Variants in CCSER1 observed in about 807,000 individuals in gnomAD.
CCSER1 encodes coiled-coil serine rich protein 1.
Under a neutral mutation model 82.0 loss-of-function variants are expected in CCSER1, and 41 were observed. The ratio of observed to expected loss-of-function variants is 0.50; its 90% CI spans 0.39 to 0.65. The LOEUF is 0.65. Ranked by LOEUF, CCSER1 falls within the 30% of genes least tolerant of loss-of-function variation. The probability of loss-of-function intolerance (pLI) is 0.00; values close to 1 mark genes in which losing one functional copy is unlikely to be tolerated. For missense variants in CCSER1, 1,119 were observed against 1,064.2 expected (o/e 1.05, Z -0.72); for synonymous variants, 414 against 383.9 (o/e 1.08, Z -0.92).
At chr4:90,683,358 C>A (rs978563126) in intron 6 of CCSER1, among the ~76,000 whole-genome samples, 1 of 151,998 alleles carries the variant, frequency 6.6e-6, no homozygotes, top group African/African-American at 2.4e-5. Context: ...TCTTAAAGAG[C>A]TCAAGCTATT....
intron 6 of CCSER1, among the ~76,000 whole-genome samples, chr4:90,693,906 AGAAAGAG>A (rs954604289): frequency 6.8e-6 from 1 of 147,382 alleles, no homozygotes. Context: ...GAAAGAAAGA[AGAAAGAG>A]GAGGAGAGAG....
intron 4 of CCSER1, among the ~76,000 whole-genome samples, chr4:90,404,668 GAAC>G (rs1218736159): frequency 6.6e-5 from 10 of 152,148 alleles, no homozygotes; most frequent in African/African-American, 1.9e-4. Flanking sequence ...TGAAAGACCT[GAAC>G]ATGGATCTCA....
intron 10 of CCSER1, among the ~76,000 whole-genome samples, chr4:91,333,157 A>G (rs1357313248): frequency 6.6e-6 from 1 of 151,994 alleles, no homozygotes; most frequent in Non-Finnish European, 1.5e-5. Flanking sequence ...CCAAGTGTGC[A>G]TGTTTTTATA....
intron 9 of CCSER1, among the ~76,000 whole-genome samples, chr4:90,960,456 A>G (rs1733948891): frequency 6.6e-6 from 1 of 152,120 alleles, no homozygotes; most frequent in South Asian, 2.1e-4. Flanking sequence ...CCCAGTCTAC[A>G]TCATTAGGTT....
chr4:90,857,763 G>A (rs982046790), intron 8 of CCSER1, among the ~76,000 whole-genome samples: 3 of 152,010 alleles, frequency 2.0e-5, no homozygotes, highest in African/African-American at 7.2e-5. Context: ...TGTAGGTCAA[G>A]GGATACAAGG....
In CCSER1 at chr4:91,423,690, CT is replaced by C. The variant is rs533933480; in HGVS notation, c.2218-174881del. Among the ~76,000 whole-genome samples, 22 of 152,176 alleles carry C rather than the reference CT, an allele frequency of 1.4e-4. No individual in the cohort carries two copies. In the South Asian group the frequency reaches 2.5e-3, roughly 17 times the overall value. On this transcript the variant is annotated intron_variant, in intron 10 of 10. Transcript: ENST00000509176. ...GAACTTTATTCAGAAGAGTTTCCCCCTATCTACTTATCTTACTAGCATCTCC... is the reference window on the plus strand; with the variant it reads ...GAACTTTATTCAGAAGAGTTTCCCCCATCTACTTATCTTACTAGCATCTCC...
At chr4:90,542,285 A>G (rs1776203440) in intron 5 of CCSER1, among the ~76,000 whole-genome samples, 1 of 152,098 alleles carries the variant, frequency 6.6e-6, no homozygotes, top group African/African-American at 2.4e-5. Context: ...ACCTGATGAC[A>G]CTATTTAAGA....
intron 9 of CCSER1, among the ~76,000 whole-genome samples, chr4:90,930,417 C>T (rs184758751): frequency 1.8e-3 from 273 of 151,536 alleles, no homozygotes; most frequent in Admixed American, 6.3e-3. Flanking sequence ...CTGGCTAACA[C>T]GGTGAAACCC....
intron 6 of CCSER1, among the ~76,000 whole-genome samples, chr4:90,639,791 T>C (rs1381670344): frequency 6.6e-6 from 1 of 152,134 alleles, no homozygotes; most frequent in African/African-American, 2.4e-5. Flanking sequence ...GAAATTCTTA[T>C]TTCAACATGC....
chr4:91,052,630 A>G (rs9992513), intron 9 of CCSER1, among the ~76,000 whole-genome samples: 25,517 of 151,988 alleles, frequency 0.17, 2,199 homozygotes, highest in Admixed American at 0.22. Flanking sequence ...TTTAAAGGAA[A>G]GGAACTTTTG....
In CCSER1 at chr4:91,342,284, C is replaced by A. The variant is rs576226719; in HGVS notation, c.2218-256288C>A. Reference sequence around the variant, plus strand: ...ATGAGTAATAGAGCTAGAATTCAAACCCAGATAGCCTGATCTAAAGCTAGA... The same window carrying A: ...ATGAGTAATAGAGCTAGAATTCAAAACCAGATAGCCTGATCTAAAGCTAGA... On this transcript the variant is annotated intron_variant, in intron 10 of 10. Transcript: ENST00000509176. Among the ~76,000 whole-genome samples the A allele has an allele frequency of 1.4e-4, 22 of 152,258 alleles. 1 individual carries two copies. In the South Asian group the frequency reaches 4.6e-3, roughly 32 times the overall value.
chr4:90,642,655 A>G (rs1726753475), intron 6 of CCSER1, among the ~76,000 whole-genome samples: 1 of 152,196 alleles, frequency 6.6e-6, no homozygotes, highest in African/African-American at 2.4e-5. Flanking sequence ...CCTGGGCAAC[A>G]TAGAGATCTC....
chr4:91,380,433 G>C (rs1750792734), intron 10 of CCSER1, among the ~76,000 whole-genome samples: 1 of 152,188 alleles, frequency 6.6e-6, no homozygotes, highest in Non-Finnish European at 1.5e-5. Flanking sequence ...GGGTGCTCCT[G>C]TATTGGGTGC....
chr4:90,907,050 A>G (rs372345200), intron 8 of CCSER1, among the ~76,000 whole-genome samples: 3 of 152,162 alleles, frequency 2.0e-5, no homozygotes, highest in African/African-American at 7.2e-5. Context: ...GAATGCAGCC[A>G]TATAAGCTTC....
chr4:90,928,205 G>T (rs1434939049), intron 9 of CCSER1, among the ~76,000 whole-genome samples: 1 of 151,896 alleles, frequency 6.6e-6, no homozygotes, highest in Non-Finnish European at 1.5e-5. Flanking sequence ...TTCCAGGTTT[G>T]CTTATGGGCT....
intron 10 of CCSER1, among the ~76,000 whole-genome samples, chr4:91,532,676 G>A (rs1761094477): frequency 1.3e-5 from 2 of 151,306 alleles, no homozygotes; most frequent in Admixed American, 1.3e-4. Context: ...AGGATTGCCT[G>A]GGTAACATGA....
intron 1 of CCSER1, among the ~76,000 whole-genome samples, chr4:90,297,555 C>T (rs1732204435): frequency 6.8e-6 from 1 of 147,896 alleles, no homozygotes; most frequent in East Asian, 2.0e-4. Context: ...TGAGAGAGGG[C>T]ATCCCTGTCT....
rs140945459 is a variant in CCSER1, at chr4:90,316,862, G to T, written c.1509+3815G>T. 2.3e-3 allele frequency among the ~76,000 whole-genome samples: 354 copies of T among 152,222 alleles called. 3 individuals are homozygous for T. Among genetic ancestry groups the T allele is most frequent in the African/African-American group, 8.2e-3 (341 of 41,530 alleles). On this transcript the variant is annotated intron_variant, in intron 3 of 10. Transcript: ENST00000509176. ...GAACTCTTCAAACATCAAATGCCGA[G>T]AACAAATTGGGATTGGCTTAGGTTT...
At chr4:90,143,197 A>G (rs1725127181) in intron 1 of CCSER1, among the ~76,000 whole-genome samples, 1 of 151,938 alleles carries the variant, frequency 6.6e-6, no homozygotes, top group Non-Finnish European at 1.5e-5. Flanking sequence ...TCCAGCAAAC[A>G]TGTTTTTGTT....
Sources: gnomAD v4.1 joint callset for allele counts (sites outside exome capture counted in the v4.1 genomes callset) on GRCh38, gnomAD v4.1.1 for gene constraint, MANE v1.5 for transcripts, NCBI Gene and HGNC (gene_info 2026-07-23, HGNC 2026-07-21) for gene names.